COL18A1: variants seen among roughly 807,000 people sequenced by gnomAD.
COL18A1 encodes collagen type XVIII alpha 1 chain, also known as collagen alpha-1(XVIII) chain.
Under a neutral mutation model 168.0 loss-of-function variants are expected in COL18A1, and 133 were observed. The ratio of observed to expected loss-of-function variants is 0.79; its 90% CI spans 0.69 to 0.91. The LOEUF (loss-of-function observed/expected upper bound fraction) is 0.91. COL18A1 is among the 40% of genes least tolerant of loss of function. The probability of loss-of-function intolerance (pLI) is 0.00; values close to 1 mark genes in which losing one functional copy is unlikely to be tolerated. For missense variants in COL18A1, 2,126 were observed against 1,925.4 expected (o/e 1.10, Z -1.95); for synonymous variants, 949 against 809.0 (o/e 1.17, Z -2.94).
At chr21:45,429,921 C>A (rs1229746701) in intron 2 of COL18A1, among the ~76,000 whole-genome samples, 2 of 150,236 alleles carry the variant, frequency 1.3e-5, no homozygotes, top group Non-Finnish European at 3.0e-5. Flanking sequence ...GGGCCCTCAT[C>A]TCCCTCGCGC....
intron 2 of COL18A1, among the ~76,000 whole-genome samples, chr21:45,449,397 C>T (rs1417323613): frequency 6.6e-6 from 1 of 152,174 alleles, no homozygotes; most frequent in African/African-American, 2.4e-5. Flanking sequence ...CTCAGGCTCC[C>T]CACCTCATAG....
In COL18A1 at chr21:45,468,527, G is replaced by A. The variant is rs368606628; in HGVS notation, c.392G>A (p.Gly131Glu). ...GTGAAGCTCTCTGGGGTGCAGGACG[G>A]GCACCAGGACATCTCCCTGCTCTAC... is the stretch of plus-strand genomic sequence containing the variant. Reference protein sequence around the residue: ...LGVKLSGVQDGHQDISLLYTE... With the variant: ...LGVKLSGVQDEHQDISLLYTE... The change falls in exon 3 of 42, where the codon GGG becomes GAG. Residue 131 changes from glycine to glutamate, a missense_variant. Coordinates refer to ENST00000651438, the MANE Select transcript of COL18A1 (RefSeq NM_001379500.1). 4 of 1,613,300 alleles carry A rather than the reference G, an allele frequency of 2.5e-6. No homozygotes were observed. The African/African-American group carries it at 5.3e-5, about 22-fold the overall frequency.
Position 45,457,017 on chromosome 21 carries a change from G to A in COL18A1, c.107-11225G>A. On this transcript the variant is annotated intron_variant, in intron 2 of 41. Transcript: ENST00000651438. This position sits in a 1 kb window ranked among gnomAD's most constrained non-coding sequence, Gnocchi z 4.6. ...TTCAGGGGCCCGTGGCCCTCGGGAGGTGGGAGAGCTGGGAGTGAGGCCTCC... is the reference window on the plus strand; with the variant it reads ...TTCAGGGGCCCGTGGCCCTCGGGAGATGGGAGAGCTGGGAGTGAGGCCTCC... 1 of 733,808 alleles carries A rather than the reference G, an allele frequency of 1.4e-6. No homozygotes were observed. The highest frequency in any genetic ancestry group is 2.0e-6 in the Non-Finnish European group (1 of 499,088). The allele number at this position is 733,808 out of a possible 1,614,324, so 45.5% of individuals were successfully genotyped here.
intron 4 of COL18A1, among the ~76,000 whole-genome samples, chr21:45,474,513 C>T (rs1364346029): frequency 6.6e-6 from 1 of 150,376 alleles, no homozygotes; most frequent in African/African-American, 2.5e-5. Context: ...GTGTGTCTGT[C>T]TTGTGTGTTG....
chr21:45,460,529 C>T (rs76510519), intron 2 of COL18A1, among the ~76,000 whole-genome samples: 5,353 of 152,270 alleles, frequency 0.035, 328 homozygotes, highest in African/African-American at 0.12. Flanking sequence ...ATGATGGCCC[C>T]GAGGGGCTGC....
chr21:45,509,618 A>C lies in COL18A1; in HGVS notation c.3495+17A>C. The C allele has an allele frequency of 2.2e-6, 3 of 1,363,932 alleles. No individual in the cohort carries two copies. Among genetic ancestry groups the C allele is most frequent in the African/African-American group, 1.4e-5 (1 of 69,826 alleles). 84.5% of individuals were successfully genotyped at this position (1,363,932 alleles called of 1,614,324 possible). ...CAGCCGGTGGTGAGTGCCCCCCCAAAGTGGGCTTGGCTCCATCTAGCCCCT... is the reference window on the plus strand; with the variant it reads ...CAGCCGGTGGTGAGTGCCCCCCCAACGTGGGCTTGGCTCCATCTAGCCCCT... On this transcript the variant is annotated intron_variant, in intron 39 of 41. Transcript: ENST00000651438.
At chr21:45,422,642 C>T (rs936860482) in intron 2 of COL18A1, 12 of 366,474 alleles carry the variant, frequency 3.3e-5, no homozygotes, top group East Asian at 8.2e-5. Flanking sequence ...TGGTGAAAAA[C>T]GGGGCCTCCG....
chr21:45,492,595 G>T lies in COL18A1; in HGVS notation c.2187+31G>T, dbSNP rs772436255. ...TGCCTGCCCAGCTTCTAAGAGACGG[G>T]CCTGCGGGGACCTGGGTACAAGGCT... On this transcript the variant is annotated intron_variant, in intron 23 of 41. Transcript: ENST00000651438. The T allele has an allele frequency of 3.7e-6, 6 of 1,612,788 alleles. No homozygotes were observed. The African/African-American group carries it at 6.7e-5, about 18-fold the overall frequency.
Position 45,468,285 on chromosome 21 carries a change from C to G in COL18A1, c.150C>G (p.Asp50Glu). Reference sequence around the variant, plus strand: ...TGGGGCTGCTGCAGCTCCTTGGGGACCCCCCGCCCCAGCAGGTCACCCAGA... The same window carrying G: ...TGGGGCTGCTGCAGCTCCTTGGGGAGCCCCCGCCCCAGCAGGTCACCCAGA... ...EEVGLLQLLG[D>E]PPPQQVTQTD... Residue 50 changes from aspartate (D) to glutamate (E), a missense_variant, in exon 3 of 42, where the codon GAC becomes GAG. Asp to Glu is a conservative substitution (Grantham distance 45). Coordinates refer to ENST00000651438, the MANE Select transcript of COL18A1 (RefSeq NM_001379500.1). 2 of 1,613,016 alleles carry G rather than the reference C, an allele frequency of 1.2e-6. No individual in the cohort carries two copies. Among genetic ancestry groups the G allele is most frequent in the South Asian group, 2.2e-5 (2 of 91,078 alleles).
intron 32 of COL18A1, chr21:45,502,636 A>T (rs898662885): frequency 4.6e-5 from 7 of 152,192 alleles, no homozygotes; most frequent in African/African-American, 1.4e-4. Context: ...GGGACTGAGG[A>T]AAAGGAGAGA....
rs1230913552 is a variant in COL18A1, at chr21:45,477,690, C to T, written c.1006-60C>T. On this transcript the variant is annotated intron_variant, in intron 7 of 41. Coordinates refer to ENST00000651438, the MANE Select transcript of COL18A1 (RefSeq NM_001379500.1). ...GGACTCTGGAGGGCGCAGCGGGACA[C>T]GTGGGCAGGGTGTGTGGGGCCCCAC... The T allele has an allele frequency of 2.4e-5, 34 of 1,442,362 alleles. No homozygotes were observed. In the East Asian group the frequency reaches 6.5e-4, roughly 27 times the overall value. The allele number at this position is 1,442,362 out of a possible 1,614,324, so 89.3% of individuals were successfully genotyped here.
intron 3 of COL18A1, among the ~76,000 whole-genome samples, chr21:45,470,286 C>T (rs966966069): frequency 5.3e-5 from 8 of 152,098 alleles, no homozygotes; most frequent in African/African-American, 1.4e-4. Context: ...TGTGACTGAC[C>T]GGTTTATGTT....
Position 45,484,217 on chromosome 21 carries a change from ATCTCCAGCATATGTGCACACACACC to A in COL18A1, c.1701+1421_1701+1445del, listed in dbSNP as rs1416594544. Among the ~76,000 whole-genome samples, 14 of 122,578 alleles carry A rather than the reference ATCTCCAGCATATGTGCACACACACC, an allele frequency of 1.1e-4. No homozygotes were observed. The East Asian group carries it at 2.5e-3, about 22-fold the overall frequency. 80.4% of individuals were successfully genotyped at this position (122,578 alleles called of 152,430 possible). On this transcript the variant is annotated intron_variant, in intron 15 of 41. Coordinates refer to ENST00000651438, the MANE Select transcript of COL18A1 (RefSeq NM_001379500.1). The stretch of plus-strand genomic sequence containing the variant: ...TGTGCACACACACATAGGCACACAC[ATCTCCAGCATATGTGCACACACACC>A]TCTCCAGCATATGTGCACACACACA...
chr21:45,407,233 C>T (rs1435215866), intron 2 of COL18A1, among the ~76,000 whole-genome samples: 1 of 152,264 alleles, frequency 6.6e-6, no homozygotes, highest in Non-Finnish European at 1.5e-5. Flanking sequence ...AATGCTGACT[C>T]TGGCGAGGGT....
chr21:45,468,195 G>A (rs755985524), intron 2 of COL18A1, 47 bp from the exon 3 acceptor site: 4 of 1,607,784 alleles, frequency 2.5e-6, no homozygotes, highest in Non-Finnish European at 2.5e-6. Context: ...GGTGGCCCCT[G>A]GTTCCGTCCT....
chr21:45,406,231 AG>A lies in COL18A1; in HGVS notation c.106+762del, dbSNP rs1470483196. Reference sequence around the variant, plus strand: ...GGGAGGCGGCGGGGACGCGGACCCCAGGGGAGCCCCGCCCAAAGGGCCTGGG... The same window carrying A: ...GGGAGGCGGCGGGGACGCGGACCCCAGGGAGCCCCGCCCAAAGGGCCTGGG... On this transcript the variant is annotated intron_variant, in intron 2 of 41. Coordinates refer to ENST00000651438, the MANE Select transcript of COL18A1 (RefSeq NM_001379500.1). Among the ~76,000 whole-genome samples, 17 of 152,212 alleles carry A rather than the reference AG, an allele frequency of 1.1e-4. No individual in the cohort carries two copies. The East Asian group carries it at 3.3e-3, about 30-fold the overall frequency.
At chr21:45,474,972 G>A (rs1017835408) in intron 4 of COL18A1, among the ~76,000 whole-genome samples, 11 of 152,160 alleles carry the variant, frequency 7.2e-5, no homozygotes, top group Non-Finnish European at 1.2e-4. Flanking sequence ...GCGGGGGGTC[G>A]CCGAGGCGCC....
At position 45,496,225 on chromosome 21, in the gene COL18A1, G is replaced by A. The variant is rs2036538937; in HGVS notation, c.2509-275G>A. The A allele has an allele frequency of 6.1e-6, 4 of 652,716 alleles. No homozygotes were observed. In the East Asian group the frequency reaches 1.2e-4, roughly 19 times the overall value. 40.4% of individuals were successfully genotyped at this position (652,716 alleles called of 1,614,324 possible). ...ATGTCAGCAGGGTGGGGCATTTTCA[G>A]TCACCTTTTTACCTGAGACGCAGAC... On this transcript the variant is annotated intron_variant, in intron 29 of 41. Transcript: ENST00000651438.
intron 29 of COL18A1, 103 bp downstream of exon 29, chr21:45,495,535 T>C (rs1602555429): frequency 7.3e-6 from 7 of 958,718 alleles, no homozygotes; most frequent in African/African-American, 1.6e-5. Context: ...AGGCCACTTA[T>C]AAGCAGCCCT....
Sources: allele counts gnomAD v4.1 joint callset (sites outside exome capture counted in the v4.1 genomes callset), GRCh38; gene constraint gnomAD v4.1.1; non-coding constraint Gnocchi (gnomAD v3.1); transcripts MANE v1.5; gene names NCBI Gene and HGNC (gene_info 2026-07-23, HGNC 2026-07-21).